Variants in PLCB1 observed in about 807,000 individuals in gnomAD.
PLCB1 encodes the protein phospholipase C beta 1, also known as 1-phosphatidylinositol 4,5-bisphosphate phosphodiesterase beta-1.
PLCB1 carries 46 observed loss-of-function variants against 161.8 expected under a neutral mutation model. The ratio of observed to expected loss-of-function variants is 0.28; its 90% CI spans 0.22 to 0.36. The LOEUF (loss-of-function observed/expected upper bound fraction) is 0.36. Ranked by LOEUF, PLCB1 falls within the 10% of genes least tolerant of loss-of-function variation. The pLI is 1.00. For missense variants in PLCB1, 1,016 were observed against 1,472.5 expected, an observed-to-expected ratio of 0.69 and a Z score of 5.07; for synonymous variants, 517 against 503.7, an observed-to-expected ratio of 1.03 and a Z score of -0.35.
intron 9 of PLCB1, among the ~76,000 whole-genome samples, chr20:8,670,869 A>G (rs1418400706): frequency 6.6e-6 from 1 of 152,258 alleles, no homozygotes; most frequent in Non-Finnish European, 1.5e-5. Flanking sequence ...CTGATCTAGC[A>G]GAATTCGCAA....
intron 3 of PLCB1, among the ~76,000 whole-genome samples, chr20:8,512,940 C>T (rs1011872016): frequency 1.3e-5 from 2 of 152,152 alleles, no homozygotes; most frequent in African/African-American, 4.8e-5. Flanking sequence ...ATCATCTCCC[C>T]TTTTACCTCC....
chr20:8,629,875 T>TTCTG (rs1272803067), intron 4 of PLCB1, among the ~76,000 whole-genome samples: 3,014 of 82,272 alleles, frequency 0.037, 91 homozygotes, highest in East Asian at 0.11. Context: ...CTTTCTTTCT[T>TTCTG]TCTCTCTCTC....
chr20:8,549,569 A>T (rs1251298105), intron 3 of PLCB1, among the ~76,000 whole-genome samples: 2 of 152,152 alleles, frequency 1.3e-5, no homozygotes, highest in Non-Finnish European at 2.9e-5. Flanking sequence ...TTCTCGTGAT[A>T]GCGAACGAAT....
intron 3 of PLCB1, among the ~76,000 whole-genome samples, chr20:8,387,295 C>A (rs1987452288): frequency 6.6e-6 from 1 of 152,108 alleles, no homozygotes; most frequent in African/African-American, 2.4e-5. Context: ...TTCACTTGTA[C>A]ACTTAGAGGC....
intron 3 of PLCB1, among the ~76,000 whole-genome samples, chr20:8,519,498 T>G (rs187000437): frequency 8.5e-5 from 13 of 152,138 alleles, no homozygotes; most frequent in Admixed American, 8.5e-4. Context: ...CAAAGCCCTC[T>G]TCATCCTGCC....
chr20:8,437,129 G>A (rs1980348941), intron 3 of PLCB1, among the ~76,000 whole-genome samples: 1 of 152,050 alleles, frequency 6.6e-6, no homozygotes, highest in African/African-American at 2.4e-5. Context: ...GCCAGGCCTG[G>A]AATGCACGCC....
At chr20:8,192,902 G>A (rs1183850000) in intron 2 of PLCB1, among the ~76,000 whole-genome samples, 2 of 151,984 alleles carry the variant, frequency 1.3e-5, no homozygotes, top group Non-Finnish European at 2.9e-5. Context: ...GGGGGCTAAA[G>A]GAGTGGTCTC....
At chr20:8,563,824 C>T (rs1048079943) in intron 3 of PLCB1, among the ~76,000 whole-genome samples, 3 of 152,020 alleles carry the variant, frequency 2.0e-5, no homozygotes, top group African/African-American at 7.2e-5. Context: ...AACTACAAAC[C>T]ACTGCTCAAG....
chr20:8,292,149 A>G (rs569750967), intron 2 of PLCB1, among the ~76,000 whole-genome samples: 3 of 152,300 alleles, frequency 2.0e-5, no homozygotes, highest in Non-Finnish European at 2.9e-5. Context: ...AAAGTTCTAG[A>G]AAAACTGAGC....
chr20:8,566,204 T>C (rs2095052452), intron 3 of PLCB1, among the ~76,000 whole-genome samples: 1 of 152,194 alleles, frequency 6.6e-6, no homozygotes, highest in Non-Finnish European at 1.5e-5. Flanking sequence ...ACTTAGGTAT[T>C]GTGCTTACTT....
intron 3 of PLCB1, among the ~76,000 whole-genome samples, chr20:8,439,163 A>G (rs112774820): frequency 2.6e-5 from 4 of 152,326 alleles, no homozygotes; most frequent in South Asian, 4.1e-4. Flanking sequence ...CAAATGATTT[A>G]ACAGTCGATG....
At chr20:8,629,959 CTTTCTTCTTTCTTTCTTTCT>C (rs1213720068) in intron 4 of PLCB1, among the ~76,000 whole-genome samples, 5 of 102,270 alleles carry the variant, frequency 4.9e-5, no homozygotes, top group Admixed American at 1.1e-4. Context: ...TCTTTTCTTT[CTTTCTTCTTTCTTTCTTTCT>C]TTCTTTCTTT....
chr20:8,861,486 C>T (rs1299316405), intron 31 of PLCB1, among the ~76,000 whole-genome samples: 1 of 152,142 alleles, frequency 6.6e-6, no homozygotes, highest in Non-Finnish European at 1.5e-5. Context: ...AATCCCAGCA[C>T]TTTGGAAGGC....
rs898758358 is a variant in PLCB1 at position 8,330,514 on chromosome 20, G to C, written c.178-40868G>C. On this transcript the variant is annotated intron_variant, in intron 2 of 31. Coordinates refer to ENST00000338037, the MANE Select transcript of PLCB1 (RefSeq NM_015192.4). ...TGAGTAATCAGTCCTCCTTTCACTGGTTCAGTTGCATCAGACGAGTGTTCA... is the reference window on the plus strand; with the variant it reads ...TGAGTAATCAGTCCTCCTTTCACTGCTTCAGTTGCATCAGACGAGTGTTCA... 2.6e-5 allele frequency among the ~76,000 whole-genome samples: 4 copies of C among 152,320 alleles called. No homozygotes were observed. The East Asian group carries it at 7.7e-4, about 29-fold the overall frequency.
intron 19 of PLCB1, among the ~76,000 whole-genome samples, 174 bp downstream of exon 19, chr20:8,733,566 G>A (rs906322933): frequency 4.0e-5 from 6 of 150,100 alleles, no homozygotes; most frequent in African/African-American, 7.4e-5. Context: ...TAAGGGGTCC[G>A]TGTGTTCTCA....
intron 3 of PLCB1, among the ~76,000 whole-genome samples, chr20:8,413,660 AC>A (rs1434899818): frequency 6.6e-6 from 1 of 152,204 alleles, no homozygotes; most frequent in African/African-American, 2.4e-5. Flanking sequence ...CCACTGTTTG[AC>A]CACAAAGGTA....
rs536524864 is a variant in PLCB1 at position 8,778,668 on chromosome 20, C to T, written c.3111+3949C>T. ...GCCCTTTCAGGCCAAATGTAAGCCACTCACTCAAAGTGCTCACCCCTGCAC... is the reference window on the plus strand; with the variant it reads ...GCCCTTTCAGGCCAAATGTAAGCCATTCACTCAAAGTGCTCACCCCTGCAC... On this transcript the variant is annotated intron_variant, in intron 27 of 31. Coordinates refer to ENST00000338037, the MANE Select transcript of PLCB1 (RefSeq NM_015192.4). Among the ~76,000 whole-genome samples, 7 of 152,298 alleles carry T rather than the reference C, an allele frequency of 4.6e-5. No individual in the cohort carries two copies. In the South Asian group the frequency reaches 1.0e-3, roughly 23 times the overall value.
At chr20:8,141,402 T>A (rs951634958) in intron 1 of PLCB1, among the ~76,000 whole-genome samples, 4 of 151,906 alleles carry the variant, frequency 2.6e-5, no homozygotes, top group Non-Finnish European at 5.9e-5. Flanking sequence ...GGCAGGTGGA[T>A]CACTTGAGGT....
At chr20:8,753,232 A>C (rs537914012) in intron 23 of PLCB1, among the ~76,000 whole-genome samples, 29 of 152,258 alleles carry the variant, frequency 1.9e-4, no homozygotes, top group African/African-American at 6.7e-4. Flanking sequence ...TTCATTATAT[A>C]GTACAATGTA....
Sources: allele counts gnomAD v4.1 joint callset (sites outside exome capture counted in the v4.1 genomes callset), GRCh38; gene constraint gnomAD v4.1.1; transcripts MANE v1.5; gene names NCBI Gene and HGNC (gene_info 2026-07-23, HGNC 2026-07-21).